RAB3C: variants seen among roughly 807,000 people sequenced by gnomAD.
RAB3C encodes ras-related protein Rab-3C.
In RAB3C, 17 loss-of-function variants were observed where a neutral mutation model predicts 26.4. The observed-to-expected ratio is 0.64, with a 90% CI of 0.44 to 0.97. The LOEUF (loss-of-function observed/expected upper bound fraction) is 0.97. RAB3C is among the 50% of genes least tolerant of loss of function. RAB3C has a pLI of 0.00. For synonymous variants in RAB3C, 91 were observed against 95.9 expected (o/e 0.95, Z 0.30); for missense variants, 242 against 281.9 (o/e 0.86, Z 1.01).
At chr5:58,729,698 TTGTG>T (rs1167880753) in intron 3 of RAB3C, among the ~76,000 whole-genome samples, 1 of 148,150 alleles carries the variant, frequency 6.7e-6, no homozygotes, top group Non-Finnish European at 1.5e-5. Flanking sequence ...ATAATGTACA[TTGTG>T]TGTATGTGTA....
chr5:58,767,914 G>A (rs1741943647), intron 3 of RAB3C, among the ~76,000 whole-genome samples: 1 of 152,170 alleles, frequency 6.6e-6, no homozygotes, highest in Non-Finnish European at 1.5e-5. Flanking sequence ...ATGTGATAGA[G>A]TGTCCAAGAG....
At chr5:58,659,049 G>C (rs1747841775) in intron 2 of RAB3C, among the ~76,000 whole-genome samples, 1 of 152,104 alleles carries the variant, frequency 6.6e-6, no homozygotes, top group Non-Finnish European at 1.5e-5. Flanking sequence ...TCATAAAAGG[G>C]GAATGAAGAC....
intron 1 of RAB3C, among the ~76,000 whole-genome samples, chr5:58,605,928 C>T (rs1430287592): frequency 3.9e-5 from 6 of 152,092 alleles, no homozygotes; most frequent in South Asian, 2.1e-4. Context: ...AGAGGTCTTC[C>T]GTTCCAAGAT....
intron 4 of RAB3C, among the ~76,000 whole-genome samples, chr5:58,839,373 ATTTATTTATTTT>A (rs2112077551): frequency 6.7e-6 from 1 of 148,886 alleles, no homozygotes; most frequent in East Asian, 2.0e-4. Context: ...TTATTTATTT[ATTTATTTATTTT>A]TTGAGACAGA....
chr5:58,701,499 T>C (rs918392180), intron 2 of RAB3C, among the ~76,000 whole-genome samples: 8 of 152,188 alleles, frequency 5.3e-5, no homozygotes, highest in African/African-American at 1.9e-4. Flanking sequence ...AGCAAATCCA[T>C]TCCCATTGAA....
chr5:58,677,728 G>T (rs551037254), intron 2 of RAB3C, among the ~76,000 whole-genome samples: 2 of 152,182 alleles, frequency 1.3e-5, no homozygotes, highest in East Asian at 3.9e-4. Flanking sequence ...AACTGATAGC[G>T]GCTATCTAGA....
In RAB3C at chr5:58,597,838, A is replaced by G. The variant is rs1746361262; in HGVS notation, c.24+14606A>G. On this transcript the variant is annotated intron_variant, in intron 1 of 4. Coordinates refer to ENST00000282878, the MANE Select transcript of RAB3C (RefSeq NM_138453.4). ...ATAAGTATACGATAACATGTAATAC[A>G]TTATATATAAGTATACGATAACATG... Among the ~76,000 whole-genome samples the G allele has an allele frequency of 6.2e-5, 4 of 64,340 alleles. 1 individual carries two copies. The South Asian group carries it at 2.9e-3, about 47-fold the overall frequency. 42.2% of individuals were successfully genotyped at this position (64,340 alleles called of 152,430 possible).
intron 1 of RAB3C, among the ~76,000 whole-genome samples, chr5:58,595,182 G>A (rs1179512219): frequency 6.6e-6 from 1 of 152,146 alleles, no homozygotes; most frequent in African/African-American, 2.4e-5. Flanking sequence ...CATATTTACT[G>A]TTTCCTACTA....
intron 2 of RAB3C, among the ~76,000 whole-genome samples, chr5:58,660,440 C>T (rs965034358): frequency 2.7e-5 from 4 of 150,164 alleles, no homozygotes; most frequent in Admixed American, 1.3e-4. Flanking sequence ...GAGAGGACGA[C>T]GTAAATAGAC....
intron 2 of RAB3C, among the ~76,000 whole-genome samples, chr5:58,644,151 T>G (rs1216660301): frequency 6.6e-6 from 1 of 152,214 alleles, no homozygotes; most frequent in Non-Finnish European, 1.5e-5. Flanking sequence ...CCACAAATAC[T>G]GGCCCTCTAT....
At chr5:58,709,319 TGGG>T (rs1749011192) in intron 2 of RAB3C, among the ~76,000 whole-genome samples, 2 of 152,208 alleles carry the variant, frequency 1.3e-5, no homozygotes, top group South Asian at 4.1e-4. Flanking sequence ...AAAGTGGCCC[TGGG>T]TGCCCATGGG....
chr5:58,596,818 AAT>A (rs1301693089), intron 1 of RAB3C, among the ~76,000 whole-genome samples: 63 of 90,872 alleles, frequency 6.9e-4, no homozygotes, highest in African/African-American at 3.1e-3. Flanking sequence ...TATAATACAT[AAT>A]ATATTATATA....
intron 4 of RAB3C, among the ~76,000 whole-genome samples, chr5:58,828,361 C>T (rs10077524): frequency 0.06 from 9,058 of 152,234 alleles, 357 homozygotes; most frequent in East Asian, 0.12. Flanking sequence ...GCATTTATGA[C>T]GTGGTGCTCT....
At position 58,825,018 on chromosome 5, in the gene RAB3C, G is replaced by C. The variant is rs768507875; in HGVS notation, c.372-20G>C. On this transcript the variant is annotated intron_variant, in intron 3 of 4. Coordinates refer to ENST00000282878, the MANE Select transcript of RAB3C (RefSeq NM_138453.4). Reference sequence around the variant, plus strand: ...TTCTGCTTTCCTCTGATTGTGTCATGCTTCTTCTTTTTCTTTTAGGTCAAC... The same window carrying C: ...TTCTGCTTTCCTCTGATTGTGTCATCCTTCTTCTTTTTCTTTTAGGTCAAC... 1.0e-5 allele frequency: 16 copies of C among 1,572,250 alleles called. No homozygotes were observed. The South Asian group carries it at 1.7e-4, about 17-fold the overall frequency.
chr5:58,753,676 G>GC (rs1741583507), intron 3 of RAB3C, among the ~76,000 whole-genome samples: 1 of 152,152 alleles, frequency 6.6e-6, no homozygotes, highest in African/African-American at 2.4e-5. Flanking sequence ...CCACCTACCA[G>GC]CCCTGTCCAT....
intron 2 of RAB3C, among the ~76,000 whole-genome samples, chr5:58,671,256 G>C (rs568748588): frequency 6.6e-6 from 1 of 152,156 alleles, no homozygotes; most frequent in Middle Eastern, 3.4e-3. Context: ...ACAACCTTAT[G>C]TCATAGGTGC....
chr5:58,735,425 C>CA (rs1305989070), intron 3 of RAB3C, among the ~76,000 whole-genome samples: 3 of 152,158 alleles, frequency 2.0e-5, no homozygotes, highest in African/African-American at 7.2e-5. Context: ...GTAACGAGGA[C>CA]AAACTGTAGA....
At chr5:58,727,347 G>A (rs1267617440) in intron 3 of RAB3C, among the ~76,000 whole-genome samples, 2 of 151,760 alleles carry the variant, frequency 1.3e-5, no homozygotes, top group Non-Finnish European at 2.9e-5. Context: ...GAGAAATACA[G>A]GGTTATAAAC....
chr5:58,624,484 A>C, intron 2 of RAB3C, among the ~76,000 whole-genome samples: 1 of 152,214 alleles, frequency 6.6e-6, no homozygotes, highest in East Asian at 1.9e-4. Flanking sequence ...GTCCTCTTTA[A>C]GGAAAAAGAT....
Sources: gnomAD v4.1 joint callset for allele counts (sites outside exome capture counted in the v4.1 genomes callset) on GRCh38, gnomAD v4.1.1 for gene constraint, MANE v1.5 for transcripts, NCBI Gene and HGNC (gene_info 2026-07-23, HGNC 2026-07-21) for gene names.